Variants in SUPT3H observed in about 807,000 individuals in gnomAD.
SUPT3H encodes transcription initiation protein SPT3 homolog.
In SUPT3H, 44 loss-of-function variants were observed where a neutral mutation model predicts 44.3. The observed-to-expected ratio is 0.99, with a 90% CI of 0.78 to 1.28. The LOEUF (loss-of-function observed/expected upper bound fraction) is 1.28, where lower values mean the gene tolerates loss of function less well. SUPT3H is among the 50% of genes most tolerant of loss of function. The pLI, the probability that SUPT3H is intolerant of heterozygous loss-of-function variation, is 0.00. For missense variants in SUPT3H, 380 were observed against 387.1 expected (o/e 0.98, Z 0.15); for synonymous variants, 124 against 125.6 (o/e 0.99, Z 0.09).
At chr6:44,971,937 T>TG (rs1274118579) in intron 6 of SUPT3H, among the ~76,000 whole-genome samples, 1 of 150,562 alleles carries the variant, frequency 6.6e-6, no homozygotes, top group Non-Finnish European at 1.5e-5. Context: ...CACACCCGGC[T>TG]AATTTTTTTT....
At chr6:45,273,063 C>G (rs1246542468) in intron 2 of SUPT3H, among the ~76,000 whole-genome samples, 1 of 152,256 alleles carries the variant, frequency 6.6e-6, no homozygotes, top group Non-Finnish European at 1.5e-5. Context: ...ACTGAAAGCT[C>G]TGTTCTTGTC....
At chr6:45,008,773 C>T (rs1178232441) in intron 5 of SUPT3H, among the ~76,000 whole-genome samples, 2 of 151,864 alleles carry the variant, frequency 1.3e-5, no homozygotes, top group Non-Finnish European at 2.9e-5. Flanking sequence ...TGGAATCTCC[C>T]TCTATTGCCC....
intron 10 of SUPT3H, among the ~76,000 whole-genome samples, chr6:44,855,035 C>T (rs1049485873): frequency 6.6e-6 from 1 of 152,206 alleles, no homozygotes; most frequent in African/African-American, 2.4e-5. Context: ...TTTTTCACCA[C>T]TCAGTTGTGC....
intron 2 of SUPT3H, among the ~76,000 whole-genome samples, chr6:45,302,819 T>C (rs1216077697): frequency 6.6e-6 from 1 of 152,122 alleles, no homozygotes; most frequent in Non-Finnish European, 1.5e-5. Context: ...TATATAAGTG[T>C]TGCCTTTTCA....
Position 45,357,910 on chromosome 6 carries a change from T to C in SUPT3H, c.101+7291A>G, listed in dbSNP as rs1793535627. On this transcript the variant is annotated intron_variant, in intron 2 of 10. Coordinates refer to ENST00000371459, the MANE Select transcript of SUPT3H (RefSeq NM_003599.4). Reference sequence around the variant, plus strand: ...GACTAAGAGTATATATATATATAAATACATTCACAAAAGAACATTTTTAAG... The same window carrying C: ...GACTAAGAGTATATATATATATAAACACATTCACAAAAGAACATTTTTAAG... Among the ~76,000 whole-genome samples the C allele has an allele frequency of 1.3e-5, 2 of 152,208 alleles. 1 individual carries two copies. The highest frequency in any genetic ancestry group is 6.8e-3 in the Middle Eastern group (2 of 294).
intron 10 of SUPT3H, among the ~76,000 whole-genome samples, chr6:44,843,628 T>TG (rs1309276374): frequency 6.6e-6 from 1 of 152,024 alleles, no homozygotes; most frequent in East Asian, 1.9e-4. Flanking sequence ...GAAATTAAAA[T>TG]GGCATAAAAA....
chr6:45,360,345 C>T (rs937852654), intron 2 of SUPT3H, among the ~76,000 whole-genome samples: 9 of 152,142 alleles, frequency 5.9e-5, no homozygotes, highest in Non-Finnish European at 1.2e-4. Context: ...ATGTTCTATA[C>T]AAGCATTCAT....
intron 3 of SUPT3H, among the ~76,000 whole-genome samples, chr6:45,104,112 G>T (rs974976614): frequency 1.3e-5 from 2 of 152,078 alleles, no homozygotes; most frequent in African/African-American, 4.8e-5. Flanking sequence ...AGACTGAAAT[G>T]GCAACTAAAA....
At chr6:44,950,869 A>G (rs950306560) in intron 9 of SUPT3H, among the ~76,000 whole-genome samples, 2 of 129,396 alleles carry the variant, frequency 1.5e-5, no homozygotes, top group African/African-American at 5.9e-5. Context: ...TTTTTATTAT[A>G]CTTTAAGTTT....
chr6:44,919,974 G>C (rs1331649630), intron 10 of SUPT3H, among the ~76,000 whole-genome samples: 1 of 152,060 alleles, frequency 6.6e-6, no homozygotes, highest in Non-Finnish European at 1.5e-5. Flanking sequence ...CGCCTCCCAG[G>C]TTCAGGCGAT....
chr6:44,973,261 C>A (rs959930690), intron 6 of SUPT3H, among the ~76,000 whole-genome samples: 2 of 152,138 alleles, frequency 1.3e-5, no homozygotes, highest in African/African-American at 4.8e-5. Flanking sequence ...ATCATCTCTC[C>A]CCAGTTCAAA....
chr6:45,358,505 T>C (rs879750864), intron 2 of SUPT3H, among the ~76,000 whole-genome samples: 12 of 152,206 alleles, frequency 7.9e-5, no homozygotes, highest in Non-Finnish European at 1.3e-4. Flanking sequence ...CCCCCTATAC[T>C]TGAATTACTT....
chr6:45,003,130 A>T (rs1398288741), intron 6 of SUPT3H, among the ~76,000 whole-genome samples: 2 of 152,162 alleles, frequency 1.3e-5, no homozygotes, highest in Non-Finnish European at 2.9e-5. Context: ...CATTGTTAAG[A>T]CATATCCAGG....
At chr6:45,066,629 T>C (rs1349992506) in intron 3 of SUPT3H, among the ~76,000 whole-genome samples, 1 of 102,232 alleles carries the variant, frequency 9.8e-6, no homozygotes, top group Non-Finnish European at 2.0e-5. Context: ...GGATACAAAA[T>C]CAATGTACAA....
intron 10 of SUPT3H, among the ~76,000 whole-genome samples, chr6:44,846,481 G>A (rs773721097): frequency 1.6e-4 from 25 of 152,174 alleles, no homozygotes; most frequent in Non-Finnish European, 3.2e-4. Flanking sequence ...CCAGACTACA[G>A]AAGAAACAAG....
At chr6:44,845,103 T>C (rs1561874699) in intron 10 of SUPT3H, among the ~76,000 whole-genome samples, 1 of 152,100 alleles carries the variant, frequency 6.6e-6, no homozygotes, top group Non-Finnish European at 1.5e-5. Flanking sequence ...CCCAGTTGAA[T>C]AGAAAAATTA....
intron 10 of SUPT3H, among the ~76,000 whole-genome samples, chr6:44,919,251 C>G (rs1048288950): frequency 2.6e-5 from 4 of 151,988 alleles, no homozygotes; most frequent in African/African-American, 7.2e-5. Context: ...AAAATAATGC[C>G]TTGGATCTTA....
At chr6:45,088,391 C>T (rs948126925) in intron 3 of SUPT3H, among the ~76,000 whole-genome samples, 13 of 151,956 alleles carry the variant, frequency 8.6e-5, no homozygotes, top group South Asian at 2.1e-4. Context: ...TCTGTTACTC[C>T]AAATGTCAAA....
intron 2 of SUPT3H, among the ~76,000 whole-genome samples, chr6:45,297,840 G>A (rs1040311988): frequency 5.3e-5 from 8 of 152,074 alleles, no homozygotes; most frequent in Non-Finnish European, 8.8e-5. Context: ...CTGAATGAAC[G>A]ATTCAACATG....
Sources: allele counts gnomAD v4.1 joint callset (sites outside exome capture counted in the v4.1 genomes callset), GRCh38; gene constraint gnomAD v4.1.1; transcripts MANE v1.5; gene names NCBI Gene and HGNC (gene_info 2026-07-23, HGNC 2026-07-21).